The following RUFY1 variants were observed in gnomAD, a reference collection of about 807,000 sequenced individuals.
RUFY1 encodes the protein RUN and FYVE domain-containing protein 1.
RUFY1 carries 54 observed loss-of-function variants against 94.6 expected under a neutral mutation model. The ratio of observed to expected loss-of-function variants is 0.57; its 90% CI spans 0.46 to 0.72. The LOEUF is 0.72. Among genes scored for constraint, RUFY1 ranks in the 30% least tolerant of loss-of-function variants. RUFY1 has a pLI of 0.00. For synonymous variants in RUFY1, 396 were observed against 347.3 expected (o/e 1.14, Z -1.56); for missense variants, 883 against 883.9 (o/e 1.00, Z 0.01).
chr5:179,609,114 G>A (rs552930703), intron 17 of RUFY1, among the ~76,000 whole-genome samples: 156 of 150,356 alleles, frequency 1.0e-3, no homozygotes, highest in African/African-American at 3.5e-3. Flanking sequence ...AGCTACTGCC[G>A]GAGAATGGCG....
chr5:179,596,367 G>T (rs1765638400), intron 12 of RUFY1, 195 bp from the exon 13 acceptor site: 2 of 714,940 alleles, frequency 2.8e-6, no homozygotes, highest in Non-Finnish European at 5.0e-6. Context: ...GTTGCCAGGG[G>T]CTGAGGTGGG....
chr5:179,591,792 A>G (rs1472876495), intron 10 of RUFY1, 51 bp downstream of exon 10: 1 of 1,061,470 alleles, frequency 9.4e-7, no homozygotes, highest in Non-Finnish European at 1.4e-6. Flanking sequence ...CGTAGTGTTA[A>G]TTCTGTCAAC....
chr5:179,561,700 T>TTGTTTG (rs1554114745), intron 2 of RUFY1, among the ~76,000 whole-genome samples: 85 of 95,612 alleles, frequency 8.9e-4, no homozygotes, highest in Non-Finnish European at 1.6e-3. Context: ...TTTTTTTTTT[T>TTGTTTG]TTTGAAGAGT....
intron 12 of RUFY1, among the ~76,000 whole-genome samples, chr5:179,595,629 G>A (rs906402369): frequency 1.3e-5 from 2 of 150,574 alleles, no homozygotes; most frequent in South Asian, 2.1e-4. Context: ...TCAGCTCACC[G>A]CAATCTCTAC....
At position 179,599,290 on chromosome 5, in the gene RUFY1, G is replaced by A. The variant is rs1469641314; in HGVS notation, c.1761+469G>A. The A allele has an allele frequency of 2.6e-5, 4 of 156,410 alleles. 1 individual carries two copies. The highest frequency in any genetic ancestry group is 9.6e-5 in the African/African-American group (4 of 41,536). The allele number at this position is 156,410 out of a possible 1,614,324, so 9.7% of individuals were successfully genotyped here. A position where few individuals can be genotyped will look rare whatever the true frequency, so the allele number is the denominator to read the frequency against. On this transcript the variant is annotated intron_variant, in intron 14 of 17. Transcript: ENST00000319449. The stretch of plus-strand genomic sequence containing the variant: ...TACCAGAGTGGGCAGCTGGTGGAGG[G>A]ACAGGATCCGTTCTGTTTGCGGATG...
chr5:179,557,771 A>G (rs1251789941), intron 1 of RUFY1, among the ~76,000 whole-genome samples: 1 of 152,126 alleles, frequency 6.6e-6, no homozygotes, highest in African/African-American at 2.4e-5. Context: ...AGGACACCCA[A>G]GCAGAGGGTT....
Position 179,590,623 on chromosome 5 carries a change from T to G in RUFY1, c.1128+976T>G, listed in dbSNP as rs1581514230. ...CCTCAGCCTCCCCAGTAGCTGGGAC[T>G]ACAGGCGCCTGCTACTACGCCCAGC... On this transcript the variant is annotated intron_variant, in intron 9 of 17. Transcript: ENST00000319449. Among the ~76,000 whole-genome samples the G allele has an allele frequency of 3.3e-5, 5 of 151,392 alleles. No individual in the cohort carries two copies. In the South Asian group the frequency reaches 1.0e-3, roughly 32 times the overall value.
chr5:179,550,625 AGCTGGAGCCGGG>A lies in RUFY1; in HGVS notation c.59_70del (p.Leu20_Gly23del). On this transcript the variant is annotated inframe_deletion, in exon 1 of 18. Transcript: ENST00000319449. ...GGGCGGGGGCGGGAGCTGGAGCCGG[AGCTGGAGCCGGG>A]GCCGGGGCCCGGGTCAGCGCTTGAG... 1 of 1,347,516 alleles carries A rather than the reference AGCTGGAGCCGGG, an allele frequency of 7.4e-7. No individual in the cohort carries two copies. Among genetic ancestry groups the A allele is most frequent in the Non-Finnish European group, 9.4e-7 (1 of 1,059,720 alleles). The allele number at this position is 1,347,516 out of a possible 1,614,324, so 83.5% of individuals were successfully genotyped here.
intron 12 of RUFY1, among the ~76,000 whole-genome samples, chr5:179,595,542 T>C (rs1188711152): frequency 6.6e-6 from 1 of 150,456 alleles, no homozygotes; most frequent in African/African-American, 2.5e-5. Context: ...GTTTTTTGTT[T>C]GTTTGTTCTT....
At chr5:179,552,761 GATAAA>G (rs1227494038) in intron 1 of RUFY1, among the ~76,000 whole-genome samples, 2 of 152,170 alleles carry the variant, frequency 1.3e-5, no homozygotes, top group Non-Finnish European at 2.9e-5. Flanking sequence ...AAATTAAAAA[GATAAA>G]ATGAAATGTG....
rs188468128 is a variant in RUFY1, at chr5:179,559,314, G to A, written c.311-711G>A. 1.6e-4 allele frequency among the ~76,000 whole-genome samples: 25 copies of A among 152,326 alleles called. No homozygotes were observed. The East Asian group carries it at 3.1e-3, about 19-fold the overall frequency. Reference sequence around the variant, plus strand: ...GCGACAAGATAATGGGAGTTGAAATGGAACTCTCTGAATTCATTTGACTCC... The same window carrying A: ...GCGACAAGATAATGGGAGTTGAAATAGAACTCTCTGAATTCATTTGACTCC... On this transcript the variant is annotated intron_variant, in intron 1 of 17. Coordinates refer to ENST00000319449, the MANE Select transcript of RUFY1 (RefSeq NM_025158.5).
chr5:179,600,518 T>G (rs1373106519), intron 14 of RUFY1, among the ~76,000 whole-genome samples: 1 of 152,162 alleles, frequency 6.6e-6, no homozygotes, highest in African/African-American at 2.4e-5. Context: ...TTTTCAGAAT[T>G]GAACAGGAAA....
chr5:179,558,740 T>C (rs1762234611), intron 1 of RUFY1, among the ~76,000 whole-genome samples: 1 of 152,196 alleles, frequency 6.6e-6, no homozygotes, highest in Admixed American at 6.6e-5. Context: ...AGTCCCAGGA[T>C]GTCTCAGTAT....
intron 6 of RUFY1, among the ~76,000 whole-genome samples, chr5:179,578,045 C>G (rs1334496886): frequency 2.0e-5 from 3 of 152,108 alleles, no homozygotes; most frequent in Non-Finnish European, 4.4e-5. Context: ...GTCCCCTTGC[C>G]TCCATGTCAA....
intron 1 of RUFY1, among the ~76,000 whole-genome samples, chr5:179,555,961 G>C (rs1237689598): frequency 1.3e-5 from 2 of 152,022 alleles, no homozygotes; most frequent in East Asian, 3.9e-4. Context: ...GCCTCCCAAA[G>C]TGCTGGGATT....
At chr5:179,595,951 C>T (rs1432015622) in intron 12 of RUFY1, 1 of 155,858 alleles carries the variant, frequency 6.4e-6, no homozygotes, top group Non-Finnish European at 1.4e-5. Flanking sequence ...TGCAACCACT[C>T]AGGAAAACAG....
In RUFY1 at chr5:179,609,753, C is replaced by T. The variant is rs1767539181; in HGVS notation, c.*234C>T. On this transcript the variant is annotated 3_prime_UTR_variant, in exon 18 of 18. Coordinates refer to ENST00000319449, the MANE Select transcript of RUFY1 (RefSeq NM_025158.5). Reference sequence around the variant, plus strand: ...TCCATCTTACTTGGTTACATCACGGCTCTGGTTCAGATACAACTTCATGAT... The same window carrying T: ...TCCATCTTACTTGGTTACATCACGGTTCTGGTTCAGATACAACTTCATGAT... The T allele has an allele frequency of 1.3e-5, 6 of 456,900 alleles. No individual in the cohort carries two copies. The East Asian group carries it at 2.1e-4, about 16-fold the overall frequency. 28.3% of individuals were successfully genotyped at this position (456,900 alleles called of 1,614,324 possible).
chr5:179,602,074 C>A, intron 15 of RUFY1, 88 bp downstream of exon 15: 1 of 1,104,234 alleles, frequency 9.1e-7, no homozygotes, highest in Non-Finnish European at 1.4e-6. Flanking sequence ...CTCCTTTTGG[C>A]GAACGGAGGG....
At position 179,580,241 on chromosome 5, in the gene RUFY1, G is replaced by GTGTGTGTGTATATATA. The variant is rs149099074; in HGVS notation, c.891-705_891-704insGTGTGTGTATATATAT. The stretch of plus-strand genomic sequence containing the variant: ...TGTGTGTGTGTGTGTGTGTGTGTGT[G>GTGTGTGTGTATATATA]TATATTTTTTTTTTTTTTTGAGACG... On this transcript the variant is annotated intron_variant, in intron 6 of 17. Transcript: ENST00000319449. Among the ~76,000 whole-genome samples the GTGTGTGTGTATATATA allele has an allele frequency of 9.4e-3, 879 of 93,820 alleles. 10 individuals are homozygous for GTGTGTGTGTATATATA. The highest frequency in any genetic ancestry group is 0.015 in the Non-Finnish European group (619 of 42,638). 61.5% of individuals were successfully genotyped at this position (93,820 alleles called of 152,430 possible).
Sources: allele counts gnomAD v4.1 joint callset (sites outside exome capture counted in the v4.1 genomes callset), GRCh38; gene constraint gnomAD v4.1.1; transcripts MANE v1.5; gene names NCBI Gene and HGNC (gene_info 2026-07-23, HGNC 2026-07-21).